Variants in GPC6 observed in about 807,000 individuals in gnomAD.
GPC6 encodes glypican-6.
GPC6 carries 14 observed loss-of-function variants against 55.2 expected under a neutral mutation model. The ratio of observed to expected loss-of-function variants is 0.25; its 90% confidence interval spans 0.17 to 0.40. GPC6 has a LOEUF of 0.40. Among genes scored for constraint, GPC6 ranks in the 10% least tolerant of loss-of-function variants. The probability of loss-of-function intolerance (pLI) is 1.00; values close to 1 mark genes in which losing one functional copy is unlikely to be tolerated. For synonymous variants in GPC6, 278 were observed against 259.6 expected (o/e 1.07, Z -0.68); for missense variants, 641 against 708.5 (o/e 0.90, Z 1.08).
chr13:93,952,359 C>T (rs1212764942), intron 3 of GPC6, among the ~76,000 whole-genome samples: 4 of 152,056 alleles, frequency 2.6e-5, no homozygotes, highest in Non-Finnish European at 5.9e-5. Context: ...ATGAATATTA[C>T]TGTTAAATAG....
chr13:94,279,512 C>T (rs1892311325), intron 4 of GPC6, among the ~76,000 whole-genome samples: 1 of 152,062 alleles, frequency 6.6e-6, no homozygotes, highest in Non-Finnish European at 1.5e-5. Context: ...TCTTGCTTCT[C>T]TAGTTATTTT....
intron 3 of GPC6, among the ~76,000 whole-genome samples, chr13:93,844,189 A>G (rs1010943849): frequency 6.6e-6 from 1 of 152,048 alleles, no homozygotes; most frequent in Non-Finnish European, 1.5e-5. Flanking sequence ...ACCAGGCTGG[A>G]GTGCAATGCC....
chr13:94,082,320 C>A (rs1449758753), intron 4 of GPC6, among the ~76,000 whole-genome samples: 3 of 152,164 alleles, frequency 2.0e-5, no homozygotes, highest in Non-Finnish European at 4.4e-5. Context: ...TCCACCACCT[C>A]TTCATAGTTT....
At chr13:93,449,263 C>G (rs1023675508) in intron 1 of GPC6, among the ~76,000 whole-genome samples, 3 of 152,138 alleles carry the variant, frequency 2.0e-5, no homozygotes, top group African/African-American at 7.2e-5. Flanking sequence ...AAGTCAACCA[C>G]CACACATTAA....
In GPC6 at chr13:93,358,428, C is replaced by G. The variant is rs114146300; in HGVS notation, c.160+130812C>G. 2.3e-3 allele frequency among the ~76,000 whole-genome samples: 357 copies of G among 152,192 alleles called. 3 individuals carry two copies. Among genetic ancestry groups the G allele is most frequent in the African/African-American group, 8.3e-3 (343 of 41,532 alleles). ...TGCTTCTTATGTTCTCTCATTTTAT[C>G]CTTACAATACCAAGAGGTGGCTATC... On this transcript the variant is annotated intron_variant, in intron 1 of 8. Coordinates refer to ENST00000377047, the MANE Select transcript of GPC6 (RefSeq NM_005708.5).
chr13:93,959,226 G>T (rs952000331), intron 3 of GPC6, among the ~76,000 whole-genome samples: 1 of 148,588 alleles, frequency 6.7e-6, no homozygotes, highest in Admixed American at 6.7e-5. Flanking sequence ...GCAGTGGTGT[G>T]ATCTCGGCTC....
At chr13:93,368,618 C>T (rs1881345810) in intron 1 of GPC6, among the ~76,000 whole-genome samples, 1 of 151,908 alleles carries the variant, frequency 6.6e-6, no homozygotes. Flanking sequence ...TCCCTCAAAT[C>T]ATTCTTATTC....
At chr13:94,053,781 A>G (rs1308339007) in intron 4 of GPC6, among the ~76,000 whole-genome samples, 1 of 152,232 alleles carries the variant, frequency 6.6e-6, no homozygotes, top group African/African-American at 2.4e-5. Context: ...GGAAAGAAAA[A>G]CAAAATAGTT....
chr13:93,287,809 G>A (rs1878185676), intron 1 of GPC6, among the ~76,000 whole-genome samples: 1 of 152,188 alleles, frequency 6.6e-6, no homozygotes, highest in African/African-American at 2.4e-5. Context: ...AAATGCGTTA[G>A]AAGTTTATTG....
chr13:93,609,902 A>G (rs188924293), intron 2 of GPC6, among the ~76,000 whole-genome samples: 10 of 152,154 alleles, frequency 6.6e-5, no homozygotes, highest in African/African-American at 2.4e-4. Context: ...AGCAACCGAC[A>G]ATACTTTTGG....
chr13:93,739,290 G>A (rs1884116111), intron 2 of GPC6, among the ~76,000 whole-genome samples: 1 of 152,074 alleles, frequency 6.6e-6, no homozygotes, highest in Non-Finnish European at 1.5e-5. Context: ...CTATAAGCAT[G>A]ACATGTGGCT....
At chr13:93,781,118 A>T (rs1184147557) in intron 2 of GPC6, among the ~76,000 whole-genome samples, 1 of 152,116 alleles carries the variant, frequency 6.6e-6, no homozygotes, top group South Asian at 2.1e-4. Flanking sequence ...TCTACTAAAA[A>T]TACAAAAATT....
At chr13:93,629,370 A>G (rs989614555) in intron 2 of GPC6, among the ~76,000 whole-genome samples, 2 of 152,108 alleles carry the variant, frequency 1.3e-5, no homozygotes, top group Admixed American at 6.6e-5. Context: ...TACTTATTAT[A>G]CTTGTAAACA....
At chr13:94,141,985 CT>C (rs35223275) in intron 4 of GPC6, among the ~76,000 whole-genome samples, 30 of 148,768 alleles carry the variant, frequency 2.0e-4, no homozygotes, top group South Asian at 1.7e-3. Flanking sequence ...GAAAACTGAC[CT>C]TTTTTTTTTC....
rs556506126 is a variant in GPC6 at position 93,834,977 on chromosome 13, A to G, written c.711+4432A>G. On this transcript the variant is annotated intron_variant, in intron 3 of 8. Coordinates refer to ENST00000377047, the MANE Select transcript of GPC6 (RefSeq NM_005708.5). ...CCACCACTAGTGAGTGGAAACATGG[A>G]TACCAGCCGTCACTCTGAAGGCTTG... Among the ~76,000 whole-genome samples, 5 of 152,326 alleles carry G rather than the reference A, an allele frequency of 3.3e-5. No homozygotes were observed. In the East Asian group the frequency reaches 9.7e-4, roughly 29 times the overall value.
chr13:93,680,710 G>C (rs1881816039), intron 2 of GPC6, among the ~76,000 whole-genome samples: 1 of 152,126 alleles, frequency 6.6e-6, no homozygotes, highest in Non-Finnish European at 1.5e-5. Context: ...CAAAGCAACT[G>C]ACCTAGGCCC....
intron 1 of GPC6, among the ~76,000 whole-genome samples, chr13:93,324,008 C>T (rs527505418): frequency 9.0e-4 from 137 of 152,172 alleles, no homozygotes; most frequent in African/African-American, 3.2e-3. Flanking sequence ...TTGTTACAGC[C>T]CTGTTCACAA....
rs908692813 is a variant in GPC6 at position 94,339,856 on chromosome 13, C to T, written c.1152+33733C>T. Among the ~76,000 whole-genome samples, 4 of 147,898 alleles carry T rather than the reference C, an allele frequency of 2.7e-5. 1 individual carries two copies. The highest frequency in any genetic ancestry group is 7.5e-5 in the African/African-American group (3 of 39,876). Reference sequence around the variant, plus strand: ...TGGGCTTGCCTCAACCTCCAACTTCCGGGTTCAAGCAATTCTCCTGCTTCA... The same window carrying T: ...TGGGCTTGCCTCAACCTCCAACTTCTGGGTTCAAGCAATTCTCCTGCTTCA... On this transcript the variant is annotated intron_variant, in intron 6 of 8. Coordinates refer to ENST00000377047, the MANE Select transcript of GPC6 (RefSeq NM_005708.5).
chr13:94,120,517 A>G (rs1886592143), intron 4 of GPC6, among the ~76,000 whole-genome samples: 1 of 151,930 alleles, frequency 6.6e-6, no homozygotes, highest in South Asian at 2.1e-4. Context: ...TACACTTAAT[A>G]CATATGGTTT....
Sources: gnomAD v4.1 joint callset for allele counts (sites outside exome capture counted in the v4.1 genomes callset) on GRCh38, gnomAD v4.1.1 for gene constraint, MANE v1.5 for transcripts, NCBI Gene and HGNC (gene_info 2026-07-23, HGNC 2026-07-21) for gene names.